APLF: variants seen among roughly 807,000 people sequenced by gnomAD.
The protein encoded by APLF is aprataxin and PNKP like factor, also known as aprataxin and PNK-like factor.
Under a neutral mutation model 55.6 loss-of-function variants are expected in APLF, and 61 were observed. The observed-to-expected ratio is 1.10, with a 90% CI of 0.89 to 1.36. APLF has a LOEUF of 1.36. APLF is among the 40% of genes most tolerant of loss of function. The pLI, the probability that APLF is intolerant of heterozygous loss-of-function variation, is 0.00. For synonymous variants in APLF, 207 were observed against 214.8 expected, an observed-to-expected ratio of 0.96 and a Z score of 0.32; for missense variants, 611 against 602.5, an observed-to-expected ratio of 1.01 and a Z score of -0.15.
intron 3 of APLF, among the ~76,000 whole-genome samples, chr2:68,508,873 G>A (rs983405630): frequency 4.0e-5 from 6 of 151,660 alleles, no homozygotes; most frequent in Non-Finnish European, 5.9e-5. Context: ...CAAAACAGAG[G>A]TATAGACCAA....
chr2:68,515,903 TA>T (rs994601641), intron 5 of APLF, among the ~76,000 whole-genome samples: 1 of 151,822 alleles, frequency 6.6e-6, no homozygotes, highest in Non-Finnish European at 1.5e-5. Flanking sequence ...TGTTATTTTT[TA>T]AAAAATTGTT....
At chr2:68,556,215 G>T (rs1333164457) in intron 8 of APLF, among the ~76,000 whole-genome samples, 1 of 152,104 alleles carries the variant, frequency 6.6e-6, no homozygotes, top group Non-Finnish European at 1.5e-5. Flanking sequence ...AAGTGGGAAG[G>T]GTGTGAGGGA....
intron 1 of APLF, among the ~76,000 whole-genome samples, chr2:68,480,302 CTTTTTTT>C (rs539696340): frequency 6.4e-5 from 9 of 141,104 alleles, no homozygotes; most frequent in African/African-American, 2.1e-4. Flanking sequence ...TTTCTTTTTC[CTTTTTTT>C]TTTTTTGTTT....
intron 1 of APLF, among the ~76,000 whole-genome samples, chr2:68,478,863 G>GT (rs1675865338): frequency 6.6e-6 from 1 of 152,160 alleles, no homozygotes; most frequent in Non-Finnish European, 1.5e-5. Flanking sequence ...ATCTACAAAG[G>GT]TGCTAACCCC....
chr2:68,501,700 C>G (rs1676727464), intron 2 of APLF, among the ~76,000 whole-genome samples: 1 of 152,122 alleles, frequency 6.6e-6, no homozygotes, highest in Non-Finnish European at 1.5e-5. Flanking sequence ...ACTTTGAGAT[C>G]TGTTTACTAC....
chr2:68,521,206 A>T (rs1266500783), intron 5 of APLF, among the ~76,000 whole-genome samples: 1 of 151,774 alleles, frequency 6.6e-6, no homozygotes, highest in Non-Finnish European at 1.5e-5. Flanking sequence ...AACTTTGCTG[A>T]GTTCATTTAT....
At chr2:68,518,446 A>ATTTAT (rs1558539523) in intron 5 of APLF, among the ~76,000 whole-genome samples, 1 of 111,924 alleles carries the variant, frequency 8.9e-6, no homozygotes, top group African/African-American at 3.9e-5. Flanking sequence ...ATATATAATA[A>ATTTAT]TATATTATAT....
chr2:68,545,902 C>T (rs1417258487), intron 8 of APLF, among the ~76,000 whole-genome samples: 1 of 152,052 alleles, frequency 6.6e-6, no homozygotes, highest in Non-Finnish European at 1.5e-5. Flanking sequence ...TGCAACTTTG[C>T]TTAATAGATG....
intron 2 of APLF, among the ~76,000 whole-genome samples, chr2:68,497,026 G>A (rs895469409): frequency 1.3e-5 from 2 of 152,056 alleles, no homozygotes; most frequent in African/African-American, 4.8e-5. Context: ...CCCAATTCCA[G>A]TACCAATTTT....
chr2:68,528,610 G>T (rs1190562571), intron 6 of APLF: 1 of 1,533,708 alleles, frequency 6.5e-7, no homozygotes. Context: ...AGCTGGGCAG[G>T]TGGTCTTTAC....
chr2:68,574,661 A>G (rs1179582543), intron 9 of APLF, among the ~76,000 whole-genome samples: 1 of 152,250 alleles, frequency 6.6e-6, no homozygotes, highest in African/African-American at 2.4e-5. Context: ...AATGTAAGTG[A>G]TGACAGATAT....
At chr2:68,509,870 A>G (rs1230030612) in intron 3 of APLF, among the ~76,000 whole-genome samples, 1 of 152,068 alleles carries the variant, frequency 6.6e-6, no homozygotes, top group Non-Finnish European at 1.5e-5. Context: ...TGTATACACC[A>G]TGGAATACTA....
At chr2:68,468,989 G>GGGGTGT (rs571326050) in intron 1 of APLF, among the ~76,000 whole-genome samples, 3 of 146,762 alleles carry the variant, frequency 2.0e-5, no homozygotes, top group Admixed American at 6.8e-5. Context: ...GTCCTAAAGG[G>GGGGTGT]GTGTGTGTGT....
chr2:68,569,509 C>G (rs953252791), intron 9 of APLF, among the ~76,000 whole-genome samples: 3 of 152,024 alleles, frequency 2.0e-5, no homozygotes, highest in African/African-American at 7.2e-5. Context: ...TGGAAAGTCT[C>G]TATAGCTACT....
intron 8 of APLF, among the ~76,000 whole-genome samples, chr2:68,560,776 GCTCT>G (rs939030527): frequency 1.3e-5 from 2 of 152,100 alleles, no homozygotes; most frequent in Non-Finnish European, 2.9e-5. Context: ...TTATGAATGA[GCTCT>G]GATTAAGTAA....
intron 9 of APLF, among the ~76,000 whole-genome samples, chr2:68,574,707 G>A (rs1005570109): frequency 3.3e-5 from 5 of 152,284 alleles, no homozygotes; most frequent in Admixed American, 6.5e-5. Context: ...AAATTCTTCC[G>A]ATTAATGTGG....
intron 5 of APLF, among the ~76,000 whole-genome samples, chr2:68,522,740 T>C (rs1669929251): frequency 6.6e-6 from 1 of 151,824 alleles, no homozygotes; most frequent in East Asian, 1.9e-4. Flanking sequence ...ACATATCAGT[T>C]CAAACTGATG....
chr2:68,500,166 T>A (rs1346993066), intron 2 of APLF, among the ~76,000 whole-genome samples: 1 of 152,228 alleles, frequency 6.6e-6, no homozygotes, highest in Non-Finnish European at 1.5e-5. Context: ...GGAGTATATG[T>A]AGTTTGACAT....
At chr2:68,518,330 A>G (rs1432896979) in intron 5 of APLF, among the ~76,000 whole-genome samples, 1 of 113,520 alleles carries the variant, frequency 8.8e-6, no homozygotes, top group Non-Finnish European at 1.6e-5. Context: ...TATATAATAT[A>G]TTAATAAATA....
Sources: gnomAD v4.1 joint callset for allele counts (sites outside exome capture counted in the v4.1 genomes callset) on GRCh38, gnomAD v4.1.1 for gene constraint, MANE v1.5 for transcripts, NCBI Gene and HGNC (gene_info 2026-07-23, HGNC 2026-07-21) for gene names.